The following DIAPH3 variants were observed in gnomAD, a reference collection of about 807,000 sequenced individuals.
The protein encoded by DIAPH3 is protein diaphanous homolog 3.
A neutral mutation model predicts 144.3 loss-of-function variants in DIAPH3; 117 were observed. The observed-to-expected ratio is 0.81, with a 90% CI of 0.70 to 0.95. The LOEUF (loss-of-function observed/expected upper bound fraction) is 0.95. Ranked by LOEUF, DIAPH3 falls within the 40% of genes least tolerant of loss-of-function variation. The pLI is 0.00. For missense variants in DIAPH3, 1,421 were observed against 1,412.7 expected (o/e 1.01, Z -0.09); for synonymous variants, 519 against 488.9 (o/e 1.06, Z -0.81).
At chr13:59,880,912 C>A (rs1420076444) in intron 20 of DIAPH3, among the ~76,000 whole-genome samples, 2 of 143,310 alleles carry the variant, frequency 1.4e-5, no homozygotes, top group Non-Finnish European at 3.0e-5. Flanking sequence ...CTTTACAAGG[C>A]ACTTTAAGGA....
intron 2 of DIAPH3, among the ~76,000 whole-genome samples, chr13:60,120,523 A>G (rs2058819427): frequency 6.6e-6 from 1 of 152,216 alleles, no homozygotes. Flanking sequence ...CTACCAAAAA[A>G]TACTTGATTA....
chr13:59,719,422 T>A (rs538341586), intron 27 of DIAPH3, among the ~76,000 whole-genome samples: 12 of 152,298 alleles, frequency 7.9e-5, no homozygotes, highest in Non-Finnish European at 1.8e-4. Flanking sequence ...TTGAAAGCTA[T>A]GACACTTAAA....
In DIAPH3 at chr13:59,728,850, C is replaced by T. The variant is rs955331438; in HGVS notation, c.3319+45339G>A. On this transcript the variant is annotated intron_variant, in intron 27 of 27. Coordinates refer to ENST00000400324, the MANE Select transcript of DIAPH3 (RefSeq NM_001042517.2). Reference sequence around the variant, plus strand: ...AGTAGAAAATTGTATACATGGGGAACTCTAAGTAAGAAACATGGTTTTACA... The same window carrying T: ...AGTAGAAAATTGTATACATGGGGAATTCTAAGTAAGAAACATGGTTTTACA... 3.3e-5 allele frequency among the ~76,000 whole-genome samples: 5 copies of T among 152,190 alleles called. No homozygotes were observed. In the South Asian group the frequency reaches 1.0e-3, roughly 32 times the overall value.
At chr13:60,130,650 A>C (rs2059114900) in intron 2 of DIAPH3, among the ~76,000 whole-genome samples, 2 of 152,232 alleles carry the variant, frequency 1.3e-5, no homozygotes, top group African/African-American at 4.8e-5. Flanking sequence ...GTTCAACAAA[A>C]AAATTTATTA....
At chr13:60,112,212 C>A (rs375030690) in intron 2 of DIAPH3, 26 bp from the exon 3 acceptor site, 3 of 1,612,522 alleles carry the variant, frequency 1.9e-6, no homozygotes, top group Admixed American at 1.7e-5. Context: ...GAATGACACA[C>A]GTGTAAGTAT....
intron 24 of DIAPH3, among the ~76,000 whole-genome samples, chr13:59,827,436 C>T (rs926825865): frequency 6.6e-6 from 1 of 151,652 alleles, no homozygotes; most frequent in Non-Finnish European, 1.5e-5. Context: ...AATAGATTAC[C>T]CGTAAGGAGT....
At chr13:60,016,684 C>T (rs1224777282) in intron 5 of DIAPH3, among the ~76,000 whole-genome samples, 1 of 152,126 alleles carries the variant, frequency 6.6e-6, no homozygotes, top group Non-Finnish European at 1.5e-5. Flanking sequence ...TTCCCCAAAC[C>T]ACTGAAATAC....
intron 20 of DIAPH3, among the ~76,000 whole-genome samples, chr13:59,881,191 A>AT (rs1038778807): frequency 6.6e-6 from 1 of 151,680 alleles, no homozygotes; most frequent in African/African-American, 2.4e-5. Flanking sequence ...ACTTACCTGG[A>AT]TTTTTTTTAT....
chr13:59,942,256 C>T (rs867274174), intron 17 of DIAPH3, among the ~76,000 whole-genome samples: 1 of 152,076 alleles, frequency 6.6e-6, no homozygotes, highest in South Asian at 2.1e-4. Flanking sequence ...TAATGTAACC[C>T]TGTGTATGTA....
chr13:59,829,637 C>T (rs944060229), intron 24 of DIAPH3, among the ~76,000 whole-genome samples: 2 of 151,936 alleles, frequency 1.3e-5, no homozygotes, highest in African/African-American at 4.8e-5. Context: ...TGTTACTCAA[C>T]AAATTTATCT....
chr13:59,687,950 G>C (rs1389512677), intron 27 of DIAPH3, among the ~76,000 whole-genome samples: 2 of 152,046 alleles, frequency 1.3e-5, no homozygotes, highest in Non-Finnish European at 2.9e-5. Context: ...ATCTTTGAAT[G>C]ACACAAGAAC....
chr13:59,671,380 T>C (rs56981048), intron 27 of DIAPH3, among the ~76,000 whole-genome samples: 266 of 152,306 alleles, frequency 1.7e-3, no homozygotes, highest in African/African-American at 6.1e-3. Flanking sequence ...ATTTCTCAAC[T>C]CAACTCTTCA....
intron 20 of DIAPH3, among the ~76,000 whole-genome samples, chr13:59,904,135 C>CTTGA (rs2046603307): frequency 6.6e-6 from 1 of 152,144 alleles, no homozygotes; most frequent in Non-Finnish European, 1.5e-5. Flanking sequence ...TATTGACAGG[C>CTTGA]TTGAGCATGA....
chr13:60,047,205 C>T (rs538509287), intron 4 of DIAPH3, among the ~76,000 whole-genome samples: 16 of 151,584 alleles, frequency 1.1e-4, no homozygotes, highest in East Asian at 1.9e-4. Flanking sequence ...CAAAAATAAA[C>T]GTTATACCAT....
In DIAPH3 at chr13:59,749,519, C is replaced by CAAAA. The variant is rs60918644; in HGVS notation, c.3319+24666_3319+24669dup. On this transcript the variant is annotated intron_variant, in intron 27 of 27. Transcript: ENST00000400324. ...TGGGTGACAGAGCGAGACTCCATCT[C>CAAAA]AAAAAAAAAAAAAAAAAAAAAGCCA... 2.3e-4 allele frequency among the ~76,000 whole-genome samples: 12 copies of CAAAA among 51,158 alleles called. No individual in the cohort carries two copies. The South Asian group carries it at 4.8e-3, about 21-fold the overall frequency. The allele number at this position is 51,158 out of a possible 152,430, so 33.6% of individuals were successfully genotyped here. A position where few individuals can be genotyped will look rare whatever the true frequency, so the allele number is the denominator to read the frequency against.
intron 4 of DIAPH3, among the ~76,000 whole-genome samples, chr13:60,057,150 C>T (rs1420316725): frequency 1.3e-5 from 2 of 151,834 alleles, no homozygotes; most frequent in South Asian, 4.2e-4. Context: ...CTAGAAAACC[C>T]TAAAGACTTC....
chr13:59,792,945 A>G (rs2039401072), intron 25 of DIAPH3, among the ~76,000 whole-genome samples: 2 of 152,124 alleles, frequency 1.3e-5, no homozygotes. Flanking sequence ...TGGATTCTTA[A>G]TGCTATTCAG....
At chr13:60,077,022 A>G (rs559405478) in intron 4 of DIAPH3, among the ~76,000 whole-genome samples, 7 of 152,094 alleles carry the variant, frequency 4.6e-5, no homozygotes, top group Non-Finnish European at 1.0e-4. Context: ...ATTTCACACT[A>G]AAGACTGCTT....
intron 17 of DIAPH3, among the ~76,000 whole-genome samples, chr13:59,926,364 G>T (rs2047752405): frequency 6.6e-6 from 1 of 151,970 alleles, no homozygotes; most frequent in Non-Finnish European, 1.5e-5. Context: ...CTAACTTTGG[G>T]TTTGGTTTGT....
Sources: gnomAD v4.1 joint callset for allele counts (sites outside exome capture counted in the v4.1 genomes callset) on GRCh38, gnomAD v4.1.1 for gene constraint, MANE v1.5 for transcripts, NCBI Gene and HGNC (gene_info 2026-07-23, HGNC 2026-07-21) for gene names.